Variants in COL15A1 observed in about 807,000 individuals in gnomAD.
COL15A1 encodes collagen type XV alpha 1 chain.
Under a neutral mutation model 165.9 loss-of-function variants are expected in COL15A1, and 111 were observed. The ratio of observed to expected loss-of-function variants is 0.67; its 90% CI spans 0.57 to 0.78. COL15A1 has a LOEUF of 0.78. Ranked by LOEUF, COL15A1 falls within the 30% of genes least tolerant of loss-of-function variation. COL15A1 has a pLI of 0.00. For missense variants in COL15A1, 1,745 were observed against 1,789.7 expected, an observed-to-expected ratio of 0.98 and a Z score of 0.45; for synonymous variants, 659 against 674.8, an observed-to-expected ratio of 0.98 and a Z score of 0.36.
intron 16 of COL15A1, among the ~76,000 whole-genome samples, chr9:99,030,434 G>A (rs12684946): frequency 0.087 from 13,261 of 152,072 alleles, 794 homozygotes; most frequent in East Asian, 0.22. Flanking sequence ...TTTTCACCCT[G>A]CCTGTTCACA....
In COL15A1 at chr9:99,022,156, A is replaced by G. The variant is rs3739800; in HGVS notation, c.1761+6A>G. 0.12 allele frequency: 185,773 copies of G among 1,613,754 alleles called. 13,348 individuals carry two copies. Among genetic ancestry groups the G allele is most frequent in the East Asian group, 0.35 (15,474 of 44,844 alleles). On this transcript the variant is annotated splice_donor_region_variant and intron_variant, in intron 13 of 41. Coordinates refer to ENST00000375001, the MANE Select transcript of COL15A1 (RefSeq NM_001855.5). ...CTGGGCCTGTTGGACCCACGGTGAG[A>G]TTCCCATCCAGGCTTGTCACACACA...
intron 39 of COL15A1, among the ~76,000 whole-genome samples, chr9:99,066,143 T>C (rs1052821159): frequency 1.4e-5 from 2 of 147,286 alleles, no homozygotes; most frequent in Non-Finnish European, 3.0e-5. Flanking sequence ...GGGAGATGAG[T>C]GTTCCTTGAT....
At chr9:99,062,689 A>G (rs1045882724) in intron 38 of COL15A1, among the ~76,000 whole-genome samples, 8 of 152,218 alleles carry the variant, frequency 5.3e-5, no homozygotes, top group Admixed American at 3.9e-4. Context: ...TTCTAGCCCT[A>G]GAGCAATGCT....
In COL15A1 at chr9:99,069,713, G is replaced by C; in HGVS notation, c.3994G>C (p.Val1332Leu). 6.2e-7 allele frequency: 1 copy of C among 1,612,732 alleles called. No individual in the cohort carries two copies. Residue 1332 changes from valine (V) to leucine (L), a missense_variant, in exon 42 of 42, where the codon GTC becomes CTC. By Grantham distance (32) the Val-to-Leu change is conservative. Transcript: ENST00000375001. Reference sequence around the variant, plus strand: ...TTGGCATGGCTCCAGCCCCCATGGCGTCCGCCTTGTGGATAACTACTGTGA... The same window carrying C: ...TTGGCATGGCTCCAGCCCCCATGGCCTCCGCCTTGTGGATAACTACTGTGA... ...VIWHGSSPHGVRLVDNYCEAW... is the reference protein window; with the variant it reads ...VIWHGSSPHGLRLVDNYCEAW...
At chr9:99,044,129 G>A in intron 24 of COL15A1, among the ~76,000 whole-genome samples, 1 of 152,116 alleles carries the variant, frequency 6.6e-6, no homozygotes, top group East Asian at 1.9e-4. Flanking sequence ...CTCAGGTTGA[G>A]TTGCTAGGAA....
intron 34 of COL15A1, 35 bp downstream of exon 34, chr9:99,055,407 A>G (rs749270942): frequency 7.6e-7 from 1 of 1,322,976 alleles, no homozygotes; most frequent in Non-Finnish European, 1.1e-6. Context: ...TCTACCCCAA[A>G]GACTTACAGC....
intron 21 of COL15A1, among the ~76,000 whole-genome samples, chr9:99,037,827 T>C (rs1839329144): frequency 6.6e-6 from 1 of 152,060 alleles, no homozygotes; most frequent in Non-Finnish European, 1.5e-5. Context: ...CTTCCAAAGC[T>C]CTAGTGTCAG....
At chr9:98,953,535 A>C (rs1420531548) in intron 2 of COL15A1, among the ~76,000 whole-genome samples, 1 of 152,144 alleles carries the variant, frequency 6.6e-6, no homozygotes, top group East Asian at 1.9e-4. Context: ...AACCTAATCC[A>C]ATCCAACCAA....
At position 99,015,543 on chromosome 9, in the gene COL15A1, GC is replaced by G; in HGVS notation, c.1484del (p.Pro495LeufsTer63). The G allele has an allele frequency of 6.2e-7, 1 of 1,613,846 alleles. No individual in the cohort carries two copies. Among genetic ancestry groups the G allele is most frequent in the Non-Finnish European group, 8.5e-7 (1 of 1,179,964 alleles). ...DGLAPLTATM[A>X]PERAVTSGPG... is the part of the protein sequence containing the mutation. ...CCTGGCTCCCCTCACAGCCACCATG[GC>G]CCCTGAGCGGGCAGTCACTTCTGTA... On this transcript the variant is annotated frameshift_variant, in exon 10 of 42. Coordinates refer to ENST00000375001, the MANE Select transcript of COL15A1 (RefSeq NM_001855.5). LOFTEE classifies it high-confidence loss of function.
intron 28 of COL15A1, among the ~76,000 whole-genome samples, chr9:99,049,012 C>T (rs1839539945): frequency 6.6e-6 from 1 of 152,150 alleles, no homozygotes; most frequent in Admixed American, 6.5e-5. Context: ...TTGAGTCTCA[C>T]TCACCAAGCC....
chr9:99,070,681 G>T lies in COL15A1; in HGVS notation c.*795G>T, dbSNP rs1191166350. 6.8e-6 allele frequency: 3 copies of T among 442,160 alleles called. No individual in the cohort carries two copies. Among genetic ancestry groups the T allele is most frequent in the South Asian group, 1.6e-5 (1 of 61,264 alleles). The allele number at this position is 442,160 out of a possible 1,614,324, so 27.4% of individuals were successfully genotyped here. ...TTATAACTGCGACTGAAACAAACAG[G>T]TTCATAGAGATGAATTTTCTGAGAA... is the stretch of plus-strand genomic sequence containing the variant. On this transcript the variant is annotated 3_prime_UTR_variant, in exon 42 of 42. Coordinates refer to ENST00000375001, the MANE Select transcript of COL15A1 (RefSeq NM_001855.5).
At chr9:99,055,400 A>AC in intron 34 of COL15A1, 28 bp downstream of exon 34, 1 of 1,379,858 alleles carries the variant, frequency 7.2e-7, no homozygotes. Flanking sequence ...CAAGTCATCT[A>AC]CCCCAAAGAC....
rs79471861 is a variant in COL15A1, at chr9:98,950,026, C to G, written c.100+5776C>G. On this transcript the variant is annotated intron_variant, in intron 2 of 41. Coordinates refer to ENST00000375001, the MANE Select transcript of COL15A1 (RefSeq NM_001855.5). Reference sequence around the variant, plus strand: ...TGTATCATGTGTCAGTACTTCATGCCTTTTTATGACTGAGTAATATTCCAG... The same window carrying G: ...TGTATCATGTGTCAGTACTTCATGCGTTTTTATGACTGAGTAATATTCCAG... 9.2e-3 allele frequency among the ~76,000 whole-genome samples: 1,403 copies of G among 152,234 alleles called. 14 individuals carry two copies. The highest frequency in any genetic ancestry group is 0.036 in the East Asian group (184 of 5,176).
chr9:98,998,873 G>C (rs1027119176), intron 6 of COL15A1, among the ~76,000 whole-genome samples: 1 of 152,210 alleles, frequency 6.6e-6, no homozygotes, highest in African/African-American at 2.4e-5. Flanking sequence ...TTTTCTTCTT[G>C]ATGTGTAGAC....
In COL15A1 at chr9:98,989,275, T is replaced by C. The variant is rs766793043; in HGVS notation, c.804+17T>C. 1 of 1,596,900 alleles carries C rather than the reference T, an allele frequency of 6.3e-7. No individual in the cohort carries two copies. The highest frequency in any genetic ancestry group is 1.1e-5 in the South Asian group (1 of 90,550). ...CAAGCCTCGGTGAGTACTGGGATGC[T>C]GTGCCATGTGATCTTGCTCAGCTTT... On this transcript the variant is annotated intron_variant, in intron 5 of 41. Coordinates refer to ENST00000375001, the MANE Select transcript of COL15A1 (RefSeq NM_001855.5).
chr9:98,971,171 T>C (rs1325151458), intron 2 of COL15A1, among the ~76,000 whole-genome samples: 8 of 152,188 alleles, frequency 5.3e-5, no homozygotes, highest in Non-Finnish European at 1.5e-5. Context: ...CCAGCAGTCC[T>C]GTGTCGCCTT....
chr9:99,055,217 T>A, intron 33 of COL15A1, 45 bp from the exon 34 acceptor site: 1 of 1,578,618 alleles, frequency 6.3e-7, no homozygotes, highest in Non-Finnish European at 8.7e-7. Context: ...AGAGACTGAG[T>A]TCATCCCACT....
intron 18 of COL15A1, 45 bp from the exon 19 acceptor site, chr9:99,035,305 G>A (rs775796841): frequency 6.2e-7 from 1 of 1,613,220 alleles, no homozygotes; most frequent in Non-Finnish European, 8.5e-7. Context: ...ACAAGTAGGT[G>A]CCCAGGAACT....
intron 30 of COL15A1, 98 bp from the exon 31 acceptor site, chr9:99,052,290 G>C: frequency 1.1e-6 from 1 of 885,072 alleles, no homozygotes; most frequent in Admixed American, 1.7e-5. Flanking sequence ...CTGTGGCATT[G>C]CCTCTTTTGT....
Sources: allele counts gnomAD v4.1 joint callset (sites outside exome capture counted in the v4.1 genomes callset), GRCh38; gene constraint gnomAD v4.1.1; transcripts MANE v1.5; gene names NCBI Gene and HGNC (gene_info 2026-07-23, HGNC 2026-07-21).